Variants in ABCA12 observed in about 807,000 individuals in gnomAD.
ABCA12 encodes the protein ATP binding cassette subfamily A member 12, also known as glucosylceramide transporter ABCA12.
ABCA12 carries 156 observed loss-of-function variants against 293.5 expected under a neutral mutation model. The observed-to-expected ratio is 0.53, with a 90% CI of 0.47 to 0.61. The LOEUF (loss-of-function observed/expected upper bound fraction) is 0.61, where lower values mean the gene tolerates loss of function less well. Among genes scored for constraint, ABCA12 ranks in the 20% least tolerant of loss-of-function variants. The pLI, the probability that ABCA12 is intolerant of heterozygous loss-of-function variation, is 0.00. For missense variants in ABCA12, 2,797 were observed against 3,090.2 expected (o/e 0.91, Z 2.25); for synonymous variants, 1,063 against 1,108.0 (o/e 0.96, Z 0.81).
At chr2:215,006,398 A>T (rs1046060764) in intron 19 of ABCA12, among the ~76,000 whole-genome samples, 1 of 152,210 alleles carries the variant, frequency 6.6e-6, no homozygotes, top group Non-Finnish European at 1.5e-5. Flanking sequence ...CCAAAAATTA[A>T]TAGGAAATTG....
At chr2:214,943,407 A>G (rs975498002) in intron 49 of ABCA12, among the ~76,000 whole-genome samples, 2 of 152,100 alleles carry the variant, frequency 1.3e-5, no homozygotes, top group African/African-American at 2.4e-5. Flanking sequence ...GGACCCCCAC[A>G]AAGTGCAGGG....
chr2:215,016,341 T>A (rs1700498496), intron 14 of ABCA12, among the ~76,000 whole-genome samples: 1 of 151,468 alleles, frequency 6.6e-6, no homozygotes, highest in Non-Finnish European at 1.5e-5. Flanking sequence ...CCCAGCACTT[T>A]GGGAGGCCGA....
chr2:215,024,296 T>C (rs558580808), intron 11 of ABCA12, among the ~76,000 whole-genome samples: 2 of 152,256 alleles, frequency 1.3e-5, no homozygotes, highest in African/African-American at 4.8e-5. Flanking sequence ...TCTCCTCCAA[T>C]GGATTGACAA....
intron 7 of ABCA12, among the ~76,000 whole-genome samples, chr2:215,043,376 C>T (rs1464680): frequency 0.14 from 21,924 of 152,066 alleles, 4,775 homozygotes; most frequent in African/African-American, 0.47. Flanking sequence ...ACATACTCTA[C>T]TGCATAGTGC....
rs575998059 is a variant in ABCA12, at chr2:215,122,957, C to T, written c.70-11267G>A. On this transcript the variant is annotated intron_variant, in intron 1 of 52. Transcript: ENST00000272895. ...ATCATCCCTTCCCTACTATGGCATTCCCAGAGTATTTTTTCTGTCTTTGTG... is the reference window on the plus strand; with the variant it reads ...ATCATCCCTTCCCTACTATGGCATTTCCAGAGTATTTTTTCTGTCTTTGTG... Among the ~76,000 whole-genome samples, 4 of 152,156 alleles carry T rather than the reference C, an allele frequency of 2.6e-5. 1 individual carries two copies. The highest frequency in any genetic ancestry group is 7.2e-5 in the African/African-American group (3 of 41,522).
At chr2:215,133,144 C>A (rs1409969020) in intron 1 of ABCA12, among the ~76,000 whole-genome samples, 1 of 77,110 alleles carries the variant, frequency 1.3e-5, no homozygotes, top group Non-Finnish European at 2.6e-5. Context: ...CTCTAGCTGG[C>A]TTTAATTTTT....
In ABCA12 at chr2:214,982,286, T is replaced by C. The variant is rs1456776232; in HGVS notation, c.4480A>G (p.Ile1494Val). Reference sequence around the variant, plus strand: ...AAAATTACTACCCTTGATCCACCAATGAGAGCTATGGATATAGATAACTTC... The same window carrying C: ...AAAATTACTACCCTTGATCCACCAACGAGAGCTATGGATATAGATAACTTC... ...KRKLSISIALIGGSRVVILDE... is the reference protein window; with the variant it reads ...KRKLSISIALVGGSRVVILDE... Residue 1494 changes from isoleucine to valine, a missense_variant, in exon 30 of 53, where the codon ATT (isoleucine) becomes GTT (valine). Ile to Val is a conservative substitution (Grantham distance 29, BLOSUM62 3). Transcript: ENST00000272895. 1.9e-6 allele frequency: 3 copies of C among 1,614,050 alleles called. No individual in the cohort carries two copies. Among genetic ancestry groups the C allele is most frequent in the Non-Finnish European group, 8.5e-7 (1 of 1,179,938 alleles).
At chr2:214,985,630 T>C (rs1020851601) in intron 28 of ABCA12, among the ~76,000 whole-genome samples, 1 of 152,162 alleles carries the variant, frequency 6.6e-6, no homozygotes, top group Admixed American at 6.5e-5. Flanking sequence ...AAACAGGCCA[T>C]GCAAATAGCA....
chr2:214,966,200 A>G (rs1212237273), intron 39 of ABCA12, among the ~76,000 whole-genome samples: 2 of 152,204 alleles, frequency 1.3e-5, no homozygotes, highest in African/African-American at 4.8e-5. Context: ...ATACATGGAC[A>G]CATGGTGGGG....
intron 2 of ABCA12, among the ~76,000 whole-genome samples, chr2:215,108,852 A>G (rs1225628532): frequency 6.6e-6 from 1 of 152,114 alleles, no homozygotes; most frequent in Non-Finnish European, 1.5e-5. Context: ...GTGGATCACG[A>G]GGTCAGGAGT....
At chr2:215,004,180 G>A (rs779656198) in intron 20 of ABCA12, 29 bp downstream of exon 20, 48 of 1,564,716 alleles carry the variant, frequency 3.1e-5, no homozygotes, top group Non-Finnish European at 4.2e-5. Context: ...CATGACTCAT[G>A]AATAAAAGCT....
intron 13 of ABCA12, 36 bp downstream of exon 13, chr2:215,019,300 A>G (rs1700572002): frequency 6.4e-7 from 1 of 1,564,656 alleles, no homozygotes; most frequent in East Asian, 2.2e-5. Context: ...CATGCATTCT[A>G]ATAAGACAAG....
At chr2:215,079,736 A>T (rs1407400774) in intron 2 of ABCA12, among the ~76,000 whole-genome samples, 7 of 152,102 alleles carry the variant, frequency 4.6e-5, no homozygotes, top group Non-Finnish European at 1.0e-4. Context: ...CCTTTTGGTG[A>T]GGTTGTACAG....
chr2:215,089,762 T>A (rs10498032), intron 2 of ABCA12, among the ~76,000 whole-genome samples: 52,567 of 152,112 alleles, frequency 0.35, 9,759 homozygotes, highest in Middle Eastern at 0.43. Flanking sequence ...CTTAGGATAA[T>A]TTACATTAGC....
Position 215,127,368 on chromosome 2 carries a change from G to A in ABCA12, c.69+10772C>T, listed in dbSNP as rs549810855. 2.4e-4 allele frequency among the ~76,000 whole-genome samples: 36 copies of A among 152,198 alleles called. 1 individual carries two copies. The highest frequency in any genetic ancestry group is 3.4e-4 in the African/African-American group (14 of 41,552). ...TTTGTTGACTTTCTACCTTGATGAC[G>A]TGTCTAATGCTGTCAGTGGAGTACT... On this transcript the variant is annotated intron_variant, in intron 1 of 52. Transcript: ENST00000272895.
chr2:215,071,012 T>G (rs1575024250), intron 2 of ABCA12, among the ~76,000 whole-genome samples: 1 of 151,494 alleles, frequency 6.6e-6, no homozygotes, highest in African/African-American at 2.4e-5. Flanking sequence ...GAAACCCTGT[T>G]TCTACAAAAA....
chr2:215,015,635 G>A lies in ABCA12; in HGVS notation c.1811C>T (p.Ser604Phe). 1.2e-6 allele frequency: 2 copies of A among 1,614,002 alleles called. No homozygotes were observed. Among genetic ancestry groups the A allele is most frequent in the Non-Finnish European group, 1.7e-6 (2 of 1,179,940 alleles). The change falls in exon 15 of 53, where the codon TCC becomes TTC. Residue 604 changes from serine (S) to phenylalanine (F), a missense_variant. By Grantham distance (155) the Ser-to-Phe change is radical. Transcript: ENST00000272895. ...GGGAGTGGTGATATTAGTATCACAG[G>A]AATGCAGCCAGAACACCTGAGAAAT... ...EIISQVFWLH[S>F]CDTNITTPKL...
At chr2:215,013,015 T>G (rs1225848643) in intron 15 of ABCA12, 1 of 152,208 alleles carries the variant, frequency 6.6e-6, no homozygotes. Context: ...TGTTTTAAAA[T>G]TTTAATGTAA....
At chr2:215,030,942 A>C (rs1483717504) in intron 9 of ABCA12, among the ~76,000 whole-genome samples, 1 of 152,222 alleles carries the variant, frequency 6.6e-6, no homozygotes, top group Non-Finnish European at 1.5e-5. Flanking sequence ...TGGGACTAAA[A>C]TAAAAGAATT....
Sources: gnomAD v4.1 joint callset for allele counts (sites outside exome capture counted in the v4.1 genomes callset) on GRCh38, gnomAD v4.1.1 for gene constraint, MANE v1.5 for transcripts, NCBI Gene and HGNC (gene_info 2026-07-23, HGNC 2026-07-21) for gene names.